The following PCBP3 variants were observed in gnomAD, a reference collection of about 807,000 sequenced individuals.
The protein encoded by PCBP3 is poly(rC)-binding protein 3.
Under a neutral mutation model 52.7 loss-of-function variants are expected in PCBP3, and 25 were observed. The observed-to-expected ratio is 0.47, with a 90% CI of 0.35 to 0.66. The LOEUF (loss-of-function observed/expected upper bound fraction) is 0.66. Among genes scored for constraint, PCBP3 ranks in the 30% least tolerant of loss-of-function variants. PCBP3 has a pLI of 0.01. For synonymous variants in PCBP3, 162 were observed against 183.0 expected (o/e 0.89, Z 0.93); for missense variants, 391 against 490.3 (o/e 0.80, Z 1.91).
intron 5 of PCBP3, among the ~76,000 whole-genome samples, chr21:45,868,573 G>A (rs1233632521): frequency 6.6e-6 from 1 of 152,120 alleles, no homozygotes; most frequent in East Asian, 1.9e-4. Flanking sequence ...AATCCACGTG[G>A]GTCTCGGGGT....
intron 5 of PCBP3, among the ~76,000 whole-genome samples, chr21:45,867,424 G>A (rs1214847494): frequency 1.3e-5 from 2 of 152,232 alleles, no homozygotes; most frequent in African/African-American, 4.8e-5. Context: ...CCTGACACGG[G>A]CGTGCGGGCA....
intron 15 of PCBP3, among the ~76,000 whole-genome samples, 179 bp from the exon 16 acceptor site, chr21:45,935,074 G>A (rs926197746): frequency 2.0e-5 from 3 of 152,218 alleles, no homozygotes; most frequent in Admixed American, 6.5e-5. Context: ...TAAGGAAATT[G>A]GGTGGCAGTT....
intron 1 of PCBP3, among the ~76,000 whole-genome samples, chr21:45,664,162 A>T (rs2147133719): frequency 6.9e-6 from 1 of 144,634 alleles, no homozygotes; most frequent in African/African-American, 2.5e-5. Context: ...TTTGAACTAA[A>T]AATAAAGATA....
chr21:45,885,692 T>G (rs905893401), intron 5 of PCBP3, among the ~76,000 whole-genome samples: 1 of 152,196 alleles, frequency 6.6e-6, no homozygotes, highest in African/African-American at 2.4e-5. Context: ...AGTTCTGTCG[T>G]TCCCTTTCAG....
intron 5 of PCBP3, chr21:45,872,768 T>C (rs1250109706): frequency 6.6e-6 from 1 of 152,208 alleles, no homozygotes; most frequent in Non-Finnish European, 1.5e-5. Context: ...AAACATTCTA[T>C]CAGTGTGTTG....
intron 13 of PCBP3, among the ~76,000 whole-genome samples, chr21:45,919,852 C>T (rs896793201): frequency 1.2e-4 from 18 of 150,438 alleles, no homozygotes; most frequent in Admixed American, 3.3e-4. Flanking sequence ...CGCGCGTGCG[C>T]GTCCCCGTGC....
At position 45,853,013 on chromosome 21, in the gene PCBP3, A is replaced by G. The variant is rs1474240463; in HGVS notation, c.10+2918A>G. Among the ~76,000 whole-genome samples the G allele has an allele frequency of 6.6e-6, 1 of 152,214 alleles. No homozygotes were observed. The highest frequency in any genetic ancestry group is 1.5e-5 in the Non-Finnish European group (1 of 68,030). Reference sequence around the variant, plus strand: ...AGAGATGCAGAGTGACATGGCGTGTACACTTCCCACAGCTGAGACCAGCAG... The same window carrying G: ...AGAGATGCAGAGTGACATGGCGTGTGCACTTCCCACAGCTGAGACCAGCAG... On this transcript the variant is annotated intron_variant, in intron 5 of 17. Transcript: ENST00000681687. The surrounding 1 kb of genome is among the most constrained non-coding windows in gnomAD (Gnocchi z 4.6).
chr21:45,680,614 T>C (rs1211270681), intron 2 of PCBP3, among the ~76,000 whole-genome samples: 3 of 152,216 alleles, frequency 2.0e-5, no homozygotes, highest in African/African-American at 7.2e-5. Context: ...TTCCTTGGGA[T>C]TTTTTTAGAT....
intron 9 of PCBP3, among the ~76,000 whole-genome samples, chr21:45,908,107 T>C (rs1603484683): frequency 6.6e-6 from 1 of 152,286 alleles, no homozygotes; most frequent in East Asian, 1.9e-4. Flanking sequence ...ACAATTTCGT[T>C]AAAGTCAAAT....
At chr21:45,646,798 G>A (rs1156317894) in intron 1 of PCBP3, among the ~76,000 whole-genome samples, 2 of 152,208 alleles carry the variant, frequency 1.3e-5, no homozygotes, top group Admixed American at 6.5e-5. Flanking sequence ...ATATATCTAT[G>A]TAGGGGCAAC....
At chr21:45,720,233 T>G (rs1312560651) in intron 2 of PCBP3, among the ~76,000 whole-genome samples, 1 of 140,934 alleles carries the variant, frequency 7.1e-6, no homozygotes, top group African/African-American at 2.6e-5. Flanking sequence ...CCCGACCCCC[T>G]GACAGGCCCC....
intron 4 of PCBP3, among the ~76,000 whole-genome samples, chr21:45,778,465 C>T (rs555417095): frequency 2.0e-5 from 3 of 152,278 alleles, no homozygotes; most frequent in South Asian, 4.1e-4. Context: ...GGTTCTTGCG[C>T]CCCTGGGAAA....
chr21:45,933,800 G>A (rs2076576310), intron 15 of PCBP3, among the ~76,000 whole-genome samples: 1 of 152,156 alleles, frequency 6.6e-6, no homozygotes, highest in South Asian at 2.1e-4. Context: ...AGACTGGCTG[G>A]CCACAGTGAG....
chr21:45,661,950 G>A (rs918137202), intron 1 of PCBP3, among the ~76,000 whole-genome samples: 1 of 152,032 alleles, frequency 6.6e-6, no homozygotes, highest in Admixed American at 6.6e-5. Flanking sequence ...TTTGAAAAAT[G>A]CCTGTTCATG....
intron 3 of PCBP3, among the ~76,000 whole-genome samples, chr21:45,738,356 G>C (rs543660769): frequency 3.3e-5 from 5 of 149,688 alleles, no homozygotes; most frequent in Non-Finnish European, 7.4e-5. Context: ...CCGGGTTCAC[G>C]CCATTCTCCT....
At chr21:45,922,450 G>A (rs1569500301) in intron 13 of PCBP3, among the ~76,000 whole-genome samples, 1 of 152,138 alleles carries the variant, frequency 6.6e-6, no homozygotes, top group Non-Finnish European at 1.5e-5. Flanking sequence ...AGCTACTCAG[G>A]AGGCTAAGGT....
intron 2 of PCBP3, among the ~76,000 whole-genome samples, chr21:45,679,054 C>G (rs1163785136): frequency 6.6e-6 from 1 of 150,888 alleles, no homozygotes. Flanking sequence ...TGATGACTCA[C>G]TGAAGGCTCA....
intron 4 of PCBP3, chr21:45,763,550 G>A (rs934749067): frequency 6.6e-6 from 1 of 152,236 alleles, no homozygotes; most frequent in African/African-American, 2.4e-5. Context: ...TCACTGCAAA[G>A]TTTTTTTTGG....
intron 5 of PCBP3, among the ~76,000 whole-genome samples, chr21:45,878,707 G>A (rs533396152): frequency 2.0e-5 from 3 of 152,340 alleles, no homozygotes; most frequent in Admixed American, 6.5e-5. Context: ...TAAAAATGTC[G>A]TGGTTCTGCA....
Sources: gnomAD v4.1 joint callset for allele counts (sites outside exome capture counted in the v4.1 genomes callset) on GRCh38, gnomAD v4.1.1 for gene constraint, Gnocchi (gnomAD v3.1) non-coding constraint, MANE v1.5 for transcripts, NCBI Gene and HGNC (gene_info 2026-07-23, HGNC 2026-07-21) for gene names.